The following PRKN variants were observed in gnomAD, a reference collection of about 807,000 sequenced individuals.
PRKN encodes E3 ubiquitin-protein ligase parkin.
PRKN carries 56 observed loss-of-function variants against 59.5 expected under a neutral mutation model. That is an observed-to-expected ratio of 0.94 (90% confidence interval 0.76 to 1.18). PRKN has a LOEUF of 1.18. Ranked by LOEUF, PRKN falls within the 50% of genes most tolerant of loss-of-function variation. The pLI is 0.00. For missense variants in PRKN, 657 were observed against 596.4 expected, an observed-to-expected ratio of 1.10 and a Z score of -1.06; for synonymous variants, 250 against 222.1, an observed-to-expected ratio of 1.13 and a Z score of -1.12.
chr6:161,988,479 C>A (rs1781519205), intron 5 of PRKN, among the ~76,000 whole-genome samples: 1 of 151,542 alleles, frequency 6.6e-6, no homozygotes, highest in Non-Finnish European at 1.5e-5. Context: ...CGGCGAGACT[C>A]CGTCTCAAAA....
intron 1 of PRKN, among the ~76,000 whole-genome samples, chr6:162,460,062 C>T (rs923069556): frequency 6.6e-6 from 1 of 152,188 alleles, no homozygotes; most frequent in Non-Finnish European, 1.5e-5. Context: ...AAAACTTGCA[C>T]ATGAATGTCC....
rs145345222 is a variant in PRKN, at chr6:161,955,479, T to C, written c.734+17823A>G. On this transcript the variant is annotated intron_variant, in intron 6 of 11. Transcript: ENST00000366898. Reference sequence around the variant, plus strand: ...CATAATTATATTCATAAAAATTACATAATTGGCCTTAAAAACATTATTGTT... The same window carrying C: ...CATAATTATATTCATAAAAATTACACAATTGGCCTTAAAAACATTATTGTT... Among the ~76,000 whole-genome samples, 896 of 152,288 alleles carry C rather than the reference T, an allele frequency of 5.9e-3. 7 individuals are homozygous for C. The highest frequency in any genetic ancestry group is 0.02 in the African/African-American group (836 of 41,566).
At chr6:161,945,063 A>G (rs1779728355) in intron 6 of PRKN, among the ~76,000 whole-genome samples, 1 of 152,082 alleles carries the variant, frequency 6.6e-6, no homozygotes, top group Non-Finnish European at 1.5e-5. Context: ...AAACCATAAC[A>G]GTGGAAAATA....
intron 7 of PRKN, among the ~76,000 whole-genome samples, chr6:161,775,882 T>G (rs1385721843): frequency 6.6e-6 from 1 of 152,156 alleles, no homozygotes; most frequent in African/African-American, 2.4e-5. Context: ...CATAACGGAC[T>G]ATAGTTGGTG....
At chr6:162,473,221 A>C (rs1278664524) in intron 1 of PRKN, among the ~76,000 whole-genome samples, 2 of 152,194 alleles carry the variant, frequency 1.3e-5, no homozygotes, top group African/African-American at 4.8e-5. Flanking sequence ...GGATATTTCA[A>C]GTATGGAAGC....
At chr6:162,055,710 G>A (rs958380783) in intron 4 of PRKN, among the ~76,000 whole-genome samples, 2 of 152,140 alleles carry the variant, frequency 1.3e-5, no homozygotes, top group African/African-American at 4.8e-5. Flanking sequence ...AGAGGCTGTG[G>A]TGATTTTACT....
At chr6:162,586,602 G>A (rs1781070044) in intron 1 of PRKN, among the ~76,000 whole-genome samples, 1 of 152,120 alleles carries the variant, frequency 6.6e-6, no homozygotes, top group East Asian at 1.9e-4. Flanking sequence ...TAGCAATCAG[G>A]ACTTGAAATC....
chr6:162,083,137 T>C (rs947913330), intron 4 of PRKN, among the ~76,000 whole-genome samples: 1 of 151,914 alleles, frequency 6.6e-6, no homozygotes, highest in Non-Finnish European at 1.5e-5. Context: ...GGACTTTTAA[T>C]AGAGACGGGG....
Position 161,386,157 on chromosome 6 carries a change from T to C in PRKN, c.1167+637A>G, listed in dbSNP as rs1037624474. Among the ~76,000 whole-genome samples, 12 of 152,228 alleles carry C rather than the reference T, an allele frequency of 7.9e-5. No homozygotes were observed. The highest frequency in any genetic ancestry group is 2.9e-4 in the African/African-American group (12 of 41,470). On this transcript the variant is annotated intron_variant, in intron 10 of 11. Transcript: ENST00000366898. The surrounding 1 kb of genome is among the most constrained non-coding windows in gnomAD (Gnocchi z 4.3). ...AACATCTACATTGGGAGAAAAATAA[T>C]GAGCAAATTCATCTACTGTGATGAC...
intron 3 of PRKN, among the ~76,000 whole-genome samples, chr6:162,249,659 C>T (rs1329549477): frequency 6.6e-6 from 1 of 151,146 alleles, no homozygotes. Flanking sequence ...TCTAAGATTC[C>T]TTAAAAAAAA....
intron 7 of PRKN, among the ~76,000 whole-genome samples, chr6:161,580,695 G>T (rs1010594523): frequency 6.6e-6 from 1 of 151,814 alleles, no homozygotes; most frequent in African/African-American, 2.4e-5. Context: ...GGACAGGATG[G>T]TCTAAATTTC....
At chr6:161,739,370 T>C (rs1394265461) in intron 7 of PRKN, among the ~76,000 whole-genome samples, 1 of 152,148 alleles carries the variant, frequency 6.6e-6, no homozygotes, top group African/African-American at 2.4e-5. Context: ...ATTGCACCAC[T>C]GCACTCCAGC....
intron 2 of PRKN, among the ~76,000 whole-genome samples, chr6:162,268,990 G>A (rs6942198): frequency 0.3 from 45,190 of 150,554 alleles, 9,720 homozygotes; most frequent in African/African-American, 0.62. Context: ...TGATTTTAAA[G>A]AGGAAACAAA....
At chr6:161,874,992 A>AAG (rs1562356726) in intron 6 of PRKN, among the ~76,000 whole-genome samples, 44 of 76,968 alleles carry the variant, frequency 5.7e-4, no homozygotes, top group Middle Eastern at 6.6e-3. Context: ...TATATACTTT[A>AAG]TATATAATAT....
intron 4 of PRKN, among the ~76,000 whole-genome samples, chr6:162,070,379 T>G (rs1289757066): frequency 2.0e-5 from 3 of 152,184 alleles, no homozygotes; most frequent in African/African-American, 7.2e-5. Flanking sequence ...AGTAAAAGTG[T>G]GATCACAAGG....
chr6:162,156,113 C>T (rs888950550), intron 4 of PRKN, among the ~76,000 whole-genome samples: 5 of 152,096 alleles, frequency 3.3e-5, no homozygotes, highest in African/African-American at 1.2e-4. Flanking sequence ...TCCCTATGTA[C>T]TGTATATATA....
intron 4 of PRKN, among the ~76,000 whole-genome samples, chr6:162,177,236 A>AAAAT (rs1432349659): frequency 6.6e-6 from 1 of 152,196 alleles, no homozygotes; most frequent in African/African-American, 2.4e-5. Flanking sequence ...ATTTTTAAAA[A>AAAAT]TAGAACTATA....
At chr6:162,497,883 T>C (rs1793140627) in intron 1 of PRKN, among the ~76,000 whole-genome samples, 1 of 152,330 alleles carries the variant, frequency 6.6e-6, no homozygotes, top group South Asian at 2.1e-4. Flanking sequence ...ATTTATTGTA[T>C]ATTTCAAAAT....
chr6:161,879,081 A>T (rs1315715487), intron 6 of PRKN, among the ~76,000 whole-genome samples: 1 of 151,952 alleles, frequency 6.6e-6, no homozygotes, highest in Non-Finnish European at 1.5e-5. Flanking sequence ...TATCATTAGC[A>T]TTTCTCTCCA....
Sources: allele counts gnomAD v4.1 joint callset (sites outside exome capture counted in the v4.1 genomes callset), GRCh38; gene constraint gnomAD v4.1.1; non-coding constraint Gnocchi (gnomAD v3.1); transcripts MANE v1.5; gene names NCBI Gene and HGNC (gene_info 2026-07-23, HGNC 2026-07-21).